The following SPDYA variants were observed in gnomAD, a reference collection of about 807,000 sequenced individuals.
SPDYA encodes speedy/RINGO cell cycle regulator family member A.
In SPDYA, 11 loss-of-function variants were observed where a neutral mutation model predicts 36.7. That is an observed-to-expected ratio of 0.30 (90% CI 0.19 to 0.50). The LOEUF (loss-of-function observed/expected upper bound fraction) is 0.50, where lower values mean the gene tolerates loss of function less well. SPDYA is among the 20% of genes least tolerant of loss of function. The pLI, the probability that SPDYA is intolerant of heterozygous loss-of-function variation, is 0.98. For synonymous variants in SPDYA, 115 were observed against 118.7 expected (o/e 0.97, Z 0.20); for missense variants, 287 against 370.9 (o/e 0.77, Z 1.86).
intron 4 of SPDYA, among the ~76,000 whole-genome samples, chr2:28,821,814 A>G (rs2148081416): frequency 6.6e-6 from 1 of 152,344 alleles, no homozygotes; most frequent in East Asian, 1.9e-4. Context: ...CATTCTCCCC[A>G]TGAAAATACA....
chr2:28,820,284 A>G (rs1668124190), intron 4 of SPDYA, among the ~76,000 whole-genome samples: 2 of 152,062 alleles, frequency 1.3e-5, no homozygotes, highest in East Asian at 3.9e-4. Flanking sequence ...TATATTCTTT[A>G]GATTTTGTTG....
intron 6 of SPDYA, among the ~76,000 whole-genome samples, chr2:28,832,843 C>CTT (rs36004797): frequency 1.5e-5 from 2 of 131,058 alleles, no homozygotes; most frequent in African/African-American, 2.9e-5. Flanking sequence ...CCACCCCCAC[C>CTT]TTTTTTTTTT....
chr2:28,830,554 A>G (rs556181045), intron 6 of SPDYA, among the ~76,000 whole-genome samples: 48 of 152,258 alleles, frequency 3.2e-4, no homozygotes, highest in African/African-American at 1.2e-3. Flanking sequence ...AGGATCATCA[A>G]TATATTGAAA....
intron 5 of SPDYA, among the ~76,000 whole-genome samples, chr2:28,825,030 A>T (rs1668283979): frequency 6.6e-6 from 1 of 152,192 alleles, no homozygotes; most frequent in Admixed American, 6.5e-5. Flanking sequence ...TATGAAATAA[A>T]TTTTTTATTA....
At chr2:28,828,531 G>A (rs568737490) in intron 5 of SPDYA, among the ~76,000 whole-genome samples, 1 of 152,222 alleles carries the variant, frequency 6.6e-6, no homozygotes, top group East Asian at 1.9e-4. Flanking sequence ...TATCTTTTAT[G>A]TCAACCATGG....
At chr2:28,835,715 C>T (rs1051386116) in intron 6 of SPDYA, among the ~76,000 whole-genome samples, 7 of 152,190 alleles carry the variant, frequency 4.6e-5, no homozygotes, top group Non-Finnish European at 8.8e-5. Context: ...TTTGCACTGC[C>T]GCTTACTCCA....
At chr2:28,837,637 A>T (rs748227209) in intron 6 of SPDYA, among the ~76,000 whole-genome samples, 22 of 152,158 alleles carry the variant, frequency 1.4e-4, no homozygotes, top group Non-Finnish European at 2.6e-4. Context: ...AATCCCAGAT[A>T]AGAAACTAAG....
At chr2:28,830,800 T>A (rs1341838823) in intron 6 of SPDYA, among the ~76,000 whole-genome samples, 2 of 152,210 alleles carry the variant, frequency 1.3e-5, no homozygotes, top group Non-Finnish European at 2.9e-5. Context: ...AGCAAGACAC[T>A]AAAAATTTAA....
intron 5 of SPDYA, among the ~76,000 whole-genome samples, chr2:28,824,728 T>G (rs903736178): frequency 6.6e-6 from 1 of 151,746 alleles, no homozygotes; most frequent in African/African-American, 2.4e-5. Flanking sequence ...TTTTTGTATT[T>G]TTAGTAGAGA....
intron 4 of SPDYA, among the ~76,000 whole-genome samples, chr2:28,819,684 G>A (rs1331525797): frequency 6.6e-6 from 1 of 150,702 alleles, no homozygotes; most frequent in African/African-American, 2.4e-5. Flanking sequence ...ATTTGTATTT[G>A]ATTGAAAACA....
chr2:28,838,447 C>G (rs1017016783), intron 6 of SPDYA, among the ~76,000 whole-genome samples: 2 of 152,152 alleles, frequency 1.3e-5, no homozygotes, highest in African/African-American at 4.8e-5. Context: ...TCCCAAAGTG[C>G]TGGGATTACA....
rs759314824 is a variant in SPDYA, at chr2:28,825,236, TTG to T, written c.380+2830_380+2831del. Among the ~76,000 whole-genome samples the T allele has an allele frequency of 1.7e-4, 26 of 151,978 alleles. No homozygotes were observed. In the Middle Eastern group the frequency reaches 9.5e-3, roughly 55 times the overall value. On this transcript the variant is annotated intron_variant, in intron 5 of 7. Transcript: ENST00000334056. ...TATCTATGTTGATGCAATATTTATT[TTG>T]TGTTTTTTTTTTACCTGAGAATTAA...
intron 5 of SPDYA, among the ~76,000 whole-genome samples, chr2:28,826,611 CTTTTTTTTTTTT>C (rs777338299): frequency 5.3e-5 from 4 of 75,328 alleles, no homozygotes; most frequent in South Asian, 6.3e-4. Flanking sequence ...TTCTTTCTCT[CTTTTTTTTTTTT>C]TTTTTTTTTT....
intron 4 of SPDYA, among the ~76,000 whole-genome samples, chr2:28,820,155 G>A (rs1668121111): frequency 6.6e-6 from 1 of 151,828 alleles, no homozygotes; most frequent in African/African-American, 2.4e-5. Context: ...TTAGTATTTT[G>A]TAAGTCAGAG....
Position 28,840,450 on chromosome 2 carries a change from A to C in SPDYA, c.831A>C (p.Gln277His). Residue 277 changes from glutamine (Q) to histidine (H), a missense_variant, in exon 7 of 8, where the codon CAA becomes CAC. Coordinates refer to ENST00000334056, the MANE Select transcript of SPDYA (RefSeq NM_182756.4). ...LSMDIIGDPS[Q>H]AYTGSEVVND... ...TGGACATAATAGGTGATCCTTCTCA[A>C]GCTTATACTGGTTCTGAAGGTATGA... The C allele has an allele frequency of 6.2e-7, 1 of 1,613,804 alleles. No homozygotes were observed.
chr2:28,813,428 A>G (rs1443369193), intron 1 of SPDYA, among the ~76,000 whole-genome samples: 2 of 152,168 alleles, frequency 1.3e-5, no homozygotes, highest in African/African-American at 4.8e-5. Context: ...GTTCTGGTAC[A>G]TTCCACCCAA....
intron 3 of SPDYA, among the ~76,000 whole-genome samples, chr2:28,818,612 G>A (rs918664246): frequency 6.6e-6 from 1 of 152,034 alleles, no homozygotes; most frequent in Non-Finnish European, 1.5e-5. Context: ...CAATGTGTTT[G>A]TTTGTTGATC....
chr2:28,840,950 TTTG>T, intron 7 of SPDYA: 1 of 258,494 alleles, frequency 3.9e-6, no homozygotes, highest in Non-Finnish European at 6.0e-6. Flanking sequence ...TTTTTTTTTT[TTTG>T]AAACAGAGTC....
intron 6 of SPDYA, among the ~76,000 whole-genome samples, chr2:28,832,845 T>A (rs1668509692): frequency 6.3e-5 from 3 of 47,468 alleles, no homozygotes; most frequent in East Asian, 1.5e-3. Context: ...ACCCCCACCT[T>A]TTTTTTTTTT....
Sources: gnomAD v4.1 joint callset for allele counts (sites outside exome capture counted in the v4.1 genomes callset) on GRCh38, gnomAD v4.1.1 for gene constraint, MANE v1.5 for transcripts, NCBI Gene and HGNC (gene_info 2026-07-23, HGNC 2026-07-21) for gene names.